The following ZNF385D variants were observed in gnomAD, a reference collection of about 807,000 sequenced individuals.
ZNF385D encodes zinc finger protein 385D.
Under a neutral mutation model 35.8 loss-of-function variants are expected in ZNF385D, and 15 were observed. The observed-to-expected ratio is 0.42, with a 90% confidence interval of 0.28 to 0.64. ZNF385D has a LOEUF of 0.64. ZNF385D is among the 30% of genes least tolerant of loss of function. The pLI, the probability that ZNF385D is intolerant of heterozygous loss-of-function variation, is 0.23. For missense variants in ZNF385D, 474 were observed against 494.6 expected (o/e 0.96, Z 0.39); for synonymous variants, 212 against 186.8 (o/e 1.13, Z -1.10).
intron 3 of ZNF385D, among the ~76,000 whole-genome samples, chr3:21,966,841 G>C (rs535547738): frequency 6.6e-6 from 1 of 152,146 alleles, no homozygotes; most frequent in Non-Finnish European, 1.5e-5. Context: ...CTTGGCCTCC[G>C]AGGCCGAAGG....
intron 1 of ZNF385D, among the ~76,000 whole-genome samples, chr3:21,748,805 T>G (rs1394256768): frequency 6.6e-6 from 1 of 152,202 alleles, no homozygotes; most frequent in Admixed American, 6.5e-5. Context: ...TGTGTGTGCG[T>G]ACATACATAC....
chr3:22,094,367 C>T (rs573789102), intron 3 of ZNF385D, among the ~76,000 whole-genome samples: 2 of 64,652 alleles, frequency 3.1e-5, no homozygotes, highest in African/African-American at 5.6e-5. Context: ...TTACCATTGT[C>T]TTCTGTCATT....
intron 3 of ZNF385D, among the ~76,000 whole-genome samples, chr3:22,081,213 A>G (rs1452997079): frequency 6.6e-6 from 1 of 152,110 alleles, no homozygotes; most frequent in Non-Finnish European, 1.5e-5. Context: ...ACTTATTAAA[A>G]TTTTGCCCCA....
At chr3:22,063,031 A>AT (rs528368566) in intron 3 of ZNF385D, among the ~76,000 whole-genome samples, 11 of 151,766 alleles carry the variant, frequency 7.2e-5, no homozygotes, top group African/African-American at 1.7e-4. Context: ...ACACGGGATA[A>AT]TTTTTTTTTA....
At chr3:21,770,689 C>T (rs2071037080) in intron 3 of ZNF385D, among the ~76,000 whole-genome samples, 1 of 152,150 alleles carries the variant, frequency 6.6e-6, no homozygotes, top group Admixed American at 6.5e-5. Flanking sequence ...GGTTATTCCT[C>T]AGGGATCTAG....
intron 3 of ZNF385D, among the ~76,000 whole-genome samples, chr3:21,517,398 T>C (rs1050938938): frequency 5.3e-5 from 8 of 152,144 alleles, no homozygotes; most frequent in African/African-American, 1.7e-4. Context: ...GTGAGAATGC[T>C]GAGGCCTCCT....
At chr3:21,421,876 T>C (rs994200736) in intron 7 of ZNF385D, among the ~76,000 whole-genome samples, 16 of 152,206 alleles carry the variant, frequency 1.1e-4, no homozygotes, top group Non-Finnish European at 2.9e-5. Flanking sequence ...CTGGGTTACA[T>C]AGAGAATGTT....
At chr3:21,807,149 TAGAAA>T (rs1386255603) in intron 3 of ZNF385D, among the ~76,000 whole-genome samples, 1 of 152,190 alleles carries the variant, frequency 6.6e-6, no homozygotes, top group East Asian at 1.9e-4. Flanking sequence ...AAGTTGAAAT[TAGAAA>T]AGAATAGCTA....
intron 2 of ZNF385D, among the ~76,000 whole-genome samples, chr3:21,651,468 G>A (rs2065912007): frequency 6.6e-6 from 1 of 151,548 alleles, no homozygotes; most frequent in African/African-American, 2.4e-5. Context: ...TATATTGTGT[G>A]GAAAGAATGG....
At chr3:21,938,626 C>T (rs1433094403) in intron 3 of ZNF385D, among the ~76,000 whole-genome samples, 3 of 152,152 alleles carry the variant, frequency 2.0e-5, no homozygotes, top group African/African-American at 7.2e-5. Flanking sequence ...TCTCCAACTG[C>T]GTCAGACACC....
At chr3:21,794,242 G>T (rs937583345) in intron 3 of ZNF385D, among the ~76,000 whole-genome samples, 1 of 152,004 alleles carries the variant, frequency 6.6e-6, no homozygotes, top group African/African-American at 2.4e-5. Context: ...AGAATTAAAA[G>T]AGAAGAAAAG....
chr3:21,797,943 T>C (rs1176962047), intron 3 of ZNF385D, among the ~76,000 whole-genome samples: 1 of 152,132 alleles, frequency 6.6e-6, no homozygotes, highest in African/African-American at 2.4e-5. Context: ...CCATTATACA[T>C]TTGTCTAAAT....
intron 2 of ZNF385D, among the ~76,000 whole-genome samples, chr3:22,277,483 G>A (rs910080376): frequency 2.0e-5 from 3 of 151,968 alleles, no homozygotes; most frequent in Non-Finnish European, 4.4e-5. Context: ...AGCAGCAGAA[G>A]AAAAAAGTAC....
intron 3 of ZNF385D, among the ~76,000 whole-genome samples, chr3:21,878,775 C>CA (rs1698115669): frequency 6.6e-6 from 1 of 152,076 alleles, no homozygotes; most frequent in Non-Finnish European, 1.5e-5. Context: ...TTAGCTGTAA[C>CA]ACGACATGCC....
chr3:22,053,203 T>A (rs1327487288), intron 3 of ZNF385D, among the ~76,000 whole-genome samples: 1 of 89,184 alleles, frequency 1.1e-5, no homozygotes, highest in Non-Finnish European at 2.3e-5. Context: ...GTCTCACAAT[T>A]AAAAGAACTA....
intron 3 of ZNF385D, among the ~76,000 whole-genome samples, chr3:21,993,497 C>G (rs1695272923): frequency 6.6e-6 from 1 of 152,154 alleles, no homozygotes; most frequent in Non-Finnish European, 1.5e-5. Context: ...TTAACTATCA[C>G]TTCCCACAAA....
At chr3:21,898,963 C>T (rs1371996783) in intron 3 of ZNF385D, among the ~76,000 whole-genome samples, 1 of 152,048 alleles carries the variant, frequency 6.6e-6, no homozygotes, top group Non-Finnish European at 1.5e-5. Flanking sequence ...GGGTCACATG[C>T]CATTTTCCCC....
intron 2 of ZNF385D, among the ~76,000 whole-genome samples, chr3:22,176,714 C>T (rs757528383): frequency 1.3e-5 from 2 of 152,136 alleles, no homozygotes; most frequent in Admixed American, 1.3e-4. Context: ...AGCTTCAAAT[C>T]AGAATTTCTA....
At chr3:22,027,933 A>T (rs1043479433) in intron 3 of ZNF385D, among the ~76,000 whole-genome samples, 9 of 152,208 alleles carry the variant, frequency 5.9e-5, no homozygotes, top group African/African-American at 1.9e-4. Context: ...GAGCTGCAGC[A>T]CTACAGCCCC....
Sources: gnomAD v4.1 joint callset for allele counts (sites outside exome capture counted in the v4.1 genomes callset) on GRCh38, gnomAD v4.1.1 for gene constraint, MANE v1.5 for transcripts, NCBI Gene and HGNC (gene_info 2026-07-23, HGNC 2026-07-21) for gene names.